Variants in RBFOX1 observed in about 807,000 individuals in gnomAD.
RBFOX1 encodes RNA binding fox-1 homolog 1, also known as RNA binding protein fox-1 homolog 1.
RBFOX1 carries 8 observed loss-of-function variants against 57.7 expected under a neutral mutation model. That is an observed-to-expected ratio of 0.14 (90% CI 0.08 to 0.25). The LOEUF (loss-of-function observed/expected upper bound fraction) is 0.25, where lower values mean the gene tolerates loss of function less well. Among genes scored for constraint, RBFOX1 ranks in the 10% least tolerant of loss-of-function variants. RBFOX1 has a pLI of 1.00. For missense variants in RBFOX1, 611 were observed against 548.5 expected (o/e 1.11, Z -1.14); for synonymous variants, 326 against 222.4 (o/e 1.47, Z -4.15).
At chr16:7,357,346 C>T (rs897112793) in intron 4 of RBFOX1, among the ~76,000 whole-genome samples, 9 of 152,022 alleles carry the variant, frequency 5.9e-5, no homozygotes, top group African/African-American at 1.2e-4. Flanking sequence ...TTTAGAGAAA[C>T]TGATGATGAA....
intron 1 of RBFOX1, among the ~76,000 whole-genome samples, chr16:6,083,745 G>C (rs1020557682): frequency 6.6e-6 from 1 of 152,142 alleles, no homozygotes; most frequent in Non-Finnish European, 1.5e-5. Context: ...CCAAAGTGCT[G>C]AGATTATAAG....
At chr16:6,650,310 A>T (rs2098575459) in intron 2 of RBFOX1, among the ~76,000 whole-genome samples, 1 of 151,864 alleles carries the variant, frequency 6.6e-6, no homozygotes, top group Non-Finnish European at 1.5e-5. Flanking sequence ...GCTGTGAATA[A>T]CCCCTTCTTC....
At chr16:7,097,410 A>C (rs1222173958) in intron 4 of RBFOX1, among the ~76,000 whole-genome samples, 1 of 152,136 alleles carries the variant, frequency 6.6e-6, no homozygotes, top group African/African-American at 2.4e-5. Context: ...AAAGATCCCC[A>C]TCTCCCATGC....
chr16:6,946,728 A>C (rs2079602190), intron 3 of RBFOX1, among the ~76,000 whole-genome samples: 1 of 152,034 alleles, frequency 6.6e-6, no homozygotes, highest in African/African-American at 2.4e-5. Context: ...TGAGTCTCCC[A>C]AATAGCTGGG....
chr16:6,569,106 G>T (rs148194141), intron 2 of RBFOX1, among the ~76,000 whole-genome samples: 1 of 152,294 alleles, frequency 6.6e-6, no homozygotes, highest in Non-Finnish European at 1.5e-5. Flanking sequence ...CAGCAGCCCA[G>T]CTTTGAATAC....
intron 3 of RBFOX1, among the ~76,000 whole-genome samples, chr16:5,652,386 C>T (rs887417416): frequency 6.6e-6 from 1 of 152,184 alleles, no homozygotes; most frequent in African/African-American, 2.4e-5. Context: ...GGTCTGACCC[C>T]AAAGCCTGTG....
chr16:5,886,931 C>T (rs144532330), intron 4 of RBFOX1, among the ~76,000 whole-genome samples: 26 of 152,226 alleles, frequency 1.7e-4, no homozygotes, highest in Admixed American at 1.4e-3. Context: ...TGTCCTATGA[C>T]CAGTCATTCC....
At chr16:5,840,258 C>T (rs1250046726) in intron 3 of RBFOX1, among the ~76,000 whole-genome samples, 1 of 152,172 alleles carries the variant, frequency 6.6e-6, no homozygotes, top group Non-Finnish European at 1.5e-5. Flanking sequence ...TCCCCTATGT[C>T]CTGACAGCGC....
intron 3 of RBFOX1, among the ~76,000 whole-genome samples, chr16:5,764,149 G>A (rs913066264): frequency 1.2e-5 from 1 of 85,568 alleles, no homozygotes; most frequent in Non-Finnish European, 2.8e-5. Context: ...GGGGCAGTAG[G>A]GTGTGGGTAG....
intron 1 of RBFOX1, among the ~76,000 whole-genome samples, chr16:5,337,062 T>A (rs1346054868): frequency 6.6e-6 from 1 of 152,176 alleles, no homozygotes; most frequent in Admixed American, 6.5e-5. Context: ...ACTCTCTAAG[T>A]GGGTGAGGAG....
intron 4 of RBFOX1, among the ~76,000 whole-genome samples, chr16:7,191,439 G>A (rs1240927989): frequency 1.3e-5 from 2 of 151,962 alleles, no homozygotes; most frequent in East Asian, 1.9e-4. Flanking sequence ...CTCATGGCTT[G>A]TAACACATCA....
chr16:5,662,252 ACCATTTTAATTTCAGGACTCCTTTAT>A (rs2049678696), intron 3 of RBFOX1, among the ~76,000 whole-genome samples: 1 of 152,162 alleles, frequency 6.6e-6, no homozygotes. Flanking sequence ...GTAGTTCTGA[ACCATTTTAATTTCAGGACTCCTTTAT>A]GCTCTTAGAA....
At chr16:7,004,515 C>G (rs1241921584) in intron 3 of RBFOX1, among the ~76,000 whole-genome samples, 1 of 152,174 alleles carries the variant, frequency 6.6e-6, no homozygotes, top group Non-Finnish European at 1.5e-5. Flanking sequence ...TATGCCAGCA[C>G]TCCAAGAGAG....
intron 1 of RBFOX1, among the ~76,000 whole-genome samples, chr16:6,191,010 C>T (rs1299355353): frequency 6.6e-6 from 1 of 151,990 alleles, no homozygotes; most frequent in African/African-American, 2.4e-5. Flanking sequence ...ATTCTGTCTG[C>T]TTGTGCATTT....
At chr16:6,923,313 C>A (rs1260614863) in intron 3 of RBFOX1, among the ~76,000 whole-genome samples, 1 of 152,082 alleles carries the variant, frequency 6.6e-6, no homozygotes, top group Non-Finnish European at 1.5e-5. Flanking sequence ...GCGGGAGGAT[C>A]ATGTGAGGTC....
intron 3 of RBFOX1, among the ~76,000 whole-genome samples, chr16:6,933,219 C>T (rs553031044): frequency 1.3e-5 from 2 of 152,210 alleles, no homozygotes; most frequent in African/African-American, 4.8e-5. Flanking sequence ...CAATACCTTT[C>T]AGAGTCCCTG....
intron 4 of RBFOX1, among the ~76,000 whole-genome samples, chr16:7,308,297 G>GT (rs34533950): frequency 0.26 from 37,732 of 144,452 alleles, 5,084 homozygotes; most frequent in South Asian, 0.43. Context: ...ACCCAGAGCT[G>GT]TTTTTTTTTT....
In RBFOX1 at chr16:7,630,594, C is replaced by T. The variant is rs771044128; in HGVS notation, c.677-9C>T. On this transcript the variant is annotated splice_polypyrimidine_tract_variant and intron_variant, in intron 10 of 15. Transcript: ENST00000550418. ...CAAACCAGATACCATCTCTCTCTCT[C>T]TTTCGTAGGCACGGTCCTGTTGTGC... 6.2e-7 allele frequency: 1 copy of T among 1,612,962 alleles called. No homozygotes were observed. The highest frequency in any genetic ancestry group is 8.5e-7 in the Non-Finnish European group (1 of 1,178,966).
chr16:6,280,742 C>G (rs989404287), intron 1 of RBFOX1, among the ~76,000 whole-genome samples: 2 of 151,940 alleles, frequency 1.3e-5, no homozygotes, highest in Non-Finnish European at 2.9e-5. Flanking sequence ...GTGTTTATAC[C>G]GGTCATTACA....
Sources: gnomAD v4.1 joint callset for allele counts (sites outside exome capture counted in the v4.1 genomes callset) on GRCh38, gnomAD v4.1.1 for gene constraint, MANE v1.5 for transcripts, NCBI Gene and HGNC (gene_info 2026-07-23, HGNC 2026-07-21) for gene names.